PHLPP1: variants seen among roughly 807,000 people sequenced by gnomAD.
The protein encoded by PHLPP1 is PH domain leucine-rich repeat-containing protein phosphatase 1.
In PHLPP1, 42 loss-of-function variants were observed where a neutral mutation model predicts 117.2. The ratio of observed to expected loss-of-function variants is 0.36; its 90% CI spans 0.28 to 0.46. The LOEUF is 0.46. Among genes scored for constraint, PHLPP1 ranks in the 20% least tolerant of loss-of-function variants. The pLI is 1.00. For missense variants in PHLPP1, 2,084 were observed against 2,241.9 expected (o/e 0.93, Z 1.42); for synonymous variants, 1,042 against 970.7 (o/e 1.07, Z -1.37).
chr18:62,825,148 G>A (rs898960618), intron 1 of PHLPP1, among the ~76,000 whole-genome samples: 12 of 151,616 alleles, frequency 7.9e-5, no homozygotes, highest in African/African-American at 2.7e-4. Context: ...TAGTAGAGAC[G>A]GGGTTTCGCC....
chr18:62,956,952 TA>T (rs1437617656), intron 12 of PHLPP1, among the ~76,000 whole-genome samples: 2 of 152,170 alleles, frequency 1.3e-5, no homozygotes, highest in Non-Finnish European at 2.9e-5. Context: ...TTTTTCCAAA[TA>T]AAAGGAAGAT....
chr18:62,845,024 T>G (rs1915145196), intron 3 of PHLPP1, among the ~76,000 whole-genome samples: 1 of 152,192 alleles, frequency 6.6e-6, no homozygotes, highest in Non-Finnish European at 1.5e-5. Context: ...GCATTTTATC[T>G]TCAACATTGT....
chr18:62,942,280 G>A (rs1275971601), intron 11 of PHLPP1, among the ~76,000 whole-genome samples: 2 of 152,152 alleles, frequency 1.3e-5, no homozygotes, highest in African/African-American at 4.8e-5. Context: ...CAGCTACTCG[G>A]GAGGCTGACA....
intron 2 of PHLPP1, among the ~76,000 whole-genome samples, chr18:62,834,643 G>C (rs1010237999): frequency 1.3e-5 from 2 of 152,144 alleles, no homozygotes; most frequent in African/African-American, 4.8e-5. Flanking sequence ...TACAAGTGTT[G>C]TTTCTCCACA....
At chr18:62,740,045 G>A (rs1230419780) in intron 1 of PHLPP1, among the ~76,000 whole-genome samples, 1 of 151,770 alleles carries the variant, frequency 6.6e-6, no homozygotes, top group Non-Finnish European at 1.5e-5. Flanking sequence ...GGAGCTGATT[G>A]CCAAACTTGG....
At chr18:62,830,917 G>A (rs1914740350) in intron 2 of PHLPP1, among the ~76,000 whole-genome samples, 1 of 152,170 alleles carries the variant, frequency 6.6e-6, no homozygotes, top group African/African-American at 2.4e-5. Context: ...CGGAGGGTTT[G>A]AGTCTATAGT....
chr18:62,928,693 A>G (rs1326184132), intron 10 of PHLPP1, among the ~76,000 whole-genome samples: 1 of 152,194 alleles, frequency 6.6e-6, no homozygotes, highest in African/African-American at 2.4e-5. Context: ...GTTTACACCA[A>G]ACTTGTATAT....
At chr18:62,927,890 A>G (rs1248865375) in intron 10 of PHLPP1, among the ~76,000 whole-genome samples, 1 of 152,178 alleles carries the variant, frequency 6.6e-6, no homozygotes, top group African/African-American at 2.4e-5. Context: ...GGATACCTGG[A>G]ATAAACCCAG....
At chr18:62,766,805 C>T (rs1912552183) in intron 1 of PHLPP1, among the ~76,000 whole-genome samples, 1 of 152,160 alleles carries the variant, frequency 6.6e-6, no homozygotes, top group Non-Finnish European at 1.5e-5. Flanking sequence ...TATTGAATCT[C>T]TTTTACTTCA....
chr18:62,965,611 A>C (rs1256116453), intron 14 of PHLPP1, among the ~76,000 whole-genome samples: 1 of 150,394 alleles, frequency 6.6e-6, no homozygotes, highest in Non-Finnish European at 1.5e-5. Context: ...AGCGCCCACC[A>C]CCATGCCCGA....
intron 14 of PHLPP1, among the ~76,000 whole-genome samples, chr18:62,964,354 T>C (rs1394745322): frequency 1.3e-5 from 2 of 152,170 alleles, no homozygotes; most frequent in African/African-American, 4.8e-5. Flanking sequence ...CCCAGGTGAT[T>C]CTAGTATGGG....
intron 2 of PHLPP1, among the ~76,000 whole-genome samples, chr18:62,836,849 C>G (rs1044589598): frequency 3.3e-5 from 5 of 151,888 alleles, no homozygotes; most frequent in Non-Finnish European, 7.4e-5. Flanking sequence ...CCCATCTACT[C>G]AAGAGGTTGA....
At chr18:62,879,568 C>T (rs1028644712) in intron 4 of PHLPP1, among the ~76,000 whole-genome samples, 7 of 152,034 alleles carry the variant, frequency 4.6e-5, no homozygotes, top group Admixed American at 1.3e-4. Flanking sequence ...TGTGCCACCA[C>T]GCTGGGCTAA....
chr18:62,918,429 A>AATAAATATATATATATATATAT (rs375057055), intron 9 of PHLPP1, among the ~76,000 whole-genome samples: 1 of 140,458 alleles, frequency 7.1e-6, no homozygotes, highest in African/African-American at 2.7e-5. Context: ...GTAAAGGATA[A>AATAAATATATATATATATATAT]ATATATATAT....
At chr18:62,838,987 A>G in intron 3 of PHLPP1, 78 bp downstream of exon 3, 1 of 1,480,232 alleles carries the variant, frequency 6.8e-7, no homozygotes, top group Non-Finnish European at 9.3e-7. Flanking sequence ...GCTGGGTCTA[A>G]AATATGGTTA....
chr18:62,959,645 C>A, intron 13 of PHLPP1, among the ~76,000 whole-genome samples: 1 of 152,074 alleles, frequency 6.6e-6, no homozygotes, highest in East Asian at 1.9e-4. Flanking sequence ...TATGTTTATT[C>A]AATGTTGGAA....
intron 3 of PHLPP1, among the ~76,000 whole-genome samples, chr18:62,858,102 A>C (rs1208633598): frequency 6.6e-6 from 1 of 152,142 alleles, no homozygotes; most frequent in Non-Finnish European, 1.5e-5. Flanking sequence ...TTTAATGGTG[A>C]AAATTCACAG....
At chr18:62,934,755 C>G (rs1909920531) in intron 10 of PHLPP1, among the ~76,000 whole-genome samples, 1 of 152,168 alleles carries the variant, frequency 6.6e-6, no homozygotes, top group South Asian at 2.1e-4. Context: ...AAAATGGAAA[C>G]AACCCAAATG....
chr18:62,835,299 G>A (rs1413729858), intron 2 of PHLPP1, among the ~76,000 whole-genome samples: 2 of 151,712 alleles, frequency 1.3e-5, no homozygotes, highest in African/African-American at 4.8e-5. Context: ...TGTCTCCCGG[G>A]TTCAAGCCAT....
Sources: allele counts gnomAD v4.1 joint callset (sites outside exome capture counted in the v4.1 genomes callset), GRCh38; gene constraint gnomAD v4.1.1; transcripts MANE v1.5; gene names NCBI Gene and HGNC (gene_info 2026-07-23, HGNC 2026-07-21).